COL26A1: variants seen among roughly 807,000 people sequenced by gnomAD.
COL26A1 encodes the protein collagen type XXVI alpha 1 chain, also known as collagen alpha-1(XXVI) chain.
COL26A1 carries 41 observed loss-of-function variants against 59.3 expected under a neutral mutation model. The ratio of observed to expected loss-of-function variants is 0.69; its 90% confidence interval spans 0.54 to 0.90. The LOEUF (loss-of-function observed/expected upper bound fraction) is 0.90, where lower values mean the gene tolerates loss of function less well. COL26A1 is among the 40% of genes least tolerant of loss of function. The pLI, the probability that COL26A1 is intolerant of heterozygous loss-of-function variation, is 0.00. For missense variants in COL26A1, 612 were observed against 602.3 expected (o/e 1.02, Z -0.17); for synonymous variants, 266 against 256.0 (o/e 1.04, Z -0.37).
Position 101,557,679 on chromosome 7 carries a change from G to A in COL26A1, c.*149G>A. On this transcript the variant is annotated 3_prime_UTR_variant, in exon 13 of 13. Coordinates refer to ENST00000313669, the MANE Select transcript of COL26A1 (RefSeq NM_001278563.3). ...ATGGGGGGCTTTGGGGACAGATAAT[G>A]TCTCCAGGGGCAGGGTCTGGAGGGG... 2 of 791,788 alleles carry A rather than the reference G, an allele frequency of 2.5e-6. No individual in the cohort carries two copies. Among genetic ancestry groups the A allele is most frequent in the Non-Finnish European group, 3.9e-6 (2 of 518,052 alleles). The allele number at this position is 791,788 out of a possible 1,614,324, so 49.0% of individuals were successfully genotyped here.
intron 3 of COL26A1, among the ~76,000 whole-genome samples, chr7:101,532,119 TA>T (rs2130637699): frequency 6.6e-6 from 1 of 152,152 alleles, no homozygotes; most frequent in African/African-American, 2.4e-5. Flanking sequence ...ATTTCATCAT[TA>T]AAGAGCTCCA....
intron 1 of COL26A1, among the ~76,000 whole-genome samples, chr7:101,403,553 CTT>C (rs1356571267): frequency 1.3e-5 from 2 of 151,680 alleles, no homozygotes; most frequent in Non-Finnish European, 2.9e-5. Context: ...AACAAAAAAA[CTT>C]TTTGTAGAGA....
chr7:101,385,069 C>T (rs959058784), intron 1 of COL26A1, among the ~76,000 whole-genome samples: 12 of 151,944 alleles, frequency 7.9e-5, no homozygotes, highest in African/African-American at 2.4e-4. Flanking sequence ...CGCTGGCAGC[C>T]GATTGAATGG....
At chr7:101,513,638 C>A (rs1480820738) in intron 3 of COL26A1, among the ~76,000 whole-genome samples, 2 of 152,176 alleles carry the variant, frequency 1.3e-5, no homozygotes, top group Non-Finnish European at 1.5e-5. Flanking sequence ...AGCCACCATG[C>A]CTGGCCAGTA....
rs71106526 is a variant in COL26A1 at position 101,417,375 on chromosome 7, CT to C, written c.159-2588del. Among the ~76,000 whole-genome samples, 469 of 139,078 alleles carry C rather than the reference CT, an allele frequency of 3.4e-3. 3 individuals carry two copies. The highest frequency in any genetic ancestry group is 4.9e-3 in the African/African-American group (186 of 37,716). 91.2% of individuals were successfully genotyped at this position (139,078 alleles called of 152,430 possible). A position where few individuals can be genotyped will look rare whatever the true frequency, so the allele number is the denominator to read the frequency against. On this transcript the variant is annotated intron_variant, in intron 1 of 12. Coordinates refer to ENST00000313669, the MANE Select transcript of COL26A1 (RefSeq NM_001278563.3). ...CCCTGTTTCTCCTGGAGGTCACAAG[CT>C]TTTTTTTTTTTTTCTTTTTTCCATC...
intron 3 of COL26A1, among the ~76,000 whole-genome samples, chr7:101,515,782 T>A (rs1360825112): frequency 6.6e-6 from 1 of 151,676 alleles, no homozygotes; most frequent in Non-Finnish European, 1.5e-5. Context: ...AGAGACAAGG[T>A]TTTGCTAGGT....
At position 101,363,088 on chromosome 7, in the gene COL26A1, T is replaced by A; in HGVS notation, c.56T>A (p.Leu19Gln). 1 of 1,574,704 alleles carries A rather than the reference T, an allele frequency of 6.4e-7. No homozygotes were observed. The highest frequency in any genetic ancestry group is 8.6e-7 in the Non-Finnish European group (1 of 1,168,966). Residue 19 changes from leucine (L) to glutamine (Q), a missense_variant, in exon 1 of 13, where the codon CTG (leucine) becomes CAG (glutamine). By Grantham distance (113) the Leu-to-Gln change is moderately radical. Transcript: ENST00000313669. ...WACCCLCGSA[L>Q]ATGFLYPFSA... ...TGTTGCTGCCTCTGCGGGTCGGCGC[T>A]GGCCACCGGCTTCCTCTATCCCTTC...
At chr7:101,365,863 A>T (rs1426346507) in intron 1 of COL26A1, among the ~76,000 whole-genome samples, 3 of 152,196 alleles carry the variant, frequency 2.0e-5, no homozygotes, top group African/African-American at 7.2e-5. Context: ...GCCTGCAAAA[A>T]AGCAAGAGGT....
At chr7:101,467,454 G>A (rs1049136360) in intron 3 of COL26A1, among the ~76,000 whole-genome samples, 4 of 151,400 alleles carry the variant, frequency 2.6e-5, no homozygotes, top group African/African-American at 9.7e-5. Flanking sequence ...CAGGTGTGAC[G>A]TTTGCATAGT....
intron 3 of COL26A1, among the ~76,000 whole-genome samples, chr7:101,510,452 T>C (rs58289139): frequency 0.26 from 39,195 of 152,164 alleles, 7,125 homozygotes; most frequent in African/African-American, 0.52. Flanking sequence ...CCTCATCCCA[T>C]GTCACACACA....
chr7:101,548,631 G>A (rs1271414036), intron 8 of COL26A1, among the ~76,000 whole-genome samples: 1 of 143,076 alleles, frequency 7.0e-6, no homozygotes, highest in Non-Finnish European at 1.5e-5. Context: ...GACAGCTTTA[G>A]CAGAGACGCC....
chr7:101,447,987 A>G (rs1329924189), intron 3 of COL26A1, among the ~76,000 whole-genome samples, 200 bp downstream of exon 3: 1 of 152,208 alleles, frequency 6.6e-6, no homozygotes, highest in Non-Finnish European at 1.5e-5. Flanking sequence ...GCCCGTGGGC[A>G]CCGAGGCAGG....
At position 101,430,481 on chromosome 7, in the gene COL26A1, G is replaced by A. The variant is rs145143232; in HGVS notation, c.281+10382G>A. Among the ~76,000 whole-genome samples, 642 of 151,624 alleles carry A rather than the reference G, an allele frequency of 4.2e-3. 2 individuals carry two copies. Among genetic ancestry groups the A allele is most frequent in the African/African-American group, 0.015 (620 of 41,346 alleles). On this transcript the variant is annotated intron_variant, in intron 2 of 12. Coordinates refer to ENST00000313669, the MANE Select transcript of COL26A1 (RefSeq NM_001278563.3). ...TTTTTGTATTTTTTTTTTTAGAGAC[G>A]GGTTTCACCATGTTGGTCAGGCTGG...
chr7:101,426,941 G>A (rs1158057467), intron 2 of COL26A1, among the ~76,000 whole-genome samples: 2 of 152,150 alleles, frequency 1.3e-5, no homozygotes, highest in African/African-American at 4.8e-5. Context: ...CGCCTTGTGT[G>A]GTACTCTGTT....
At chr7:101,447,994 C>T (rs902262156) in intron 3 of COL26A1, among the ~76,000 whole-genome samples, 5 of 152,244 alleles carry the variant, frequency 3.3e-5, no homozygotes, top group Non-Finnish European at 7.3e-5. Flanking sequence ...GGCACCGAGG[C>T]AGGTCCTAGT....
At chr7:101,425,048 G>A (rs1792611173) in intron 2 of COL26A1, among the ~76,000 whole-genome samples, 1 of 151,854 alleles carries the variant, frequency 6.6e-6, no homozygotes, top group African/African-American at 2.4e-5. Flanking sequence ...TCAGCCTCCT[G>A]AGTAGCTGGG....
chr7:101,374,532 G>A (rs1471585743), intron 1 of COL26A1, among the ~76,000 whole-genome samples: 2 of 152,126 alleles, frequency 1.3e-5, no homozygotes, highest in African/African-American at 2.4e-5. Context: ...GACCAGCAGC[G>A]GCAGTAGATT....
intron 10 of COL26A1, among the ~76,000 whole-genome samples, chr7:101,552,856 G>A (rs1212951508): frequency 2.6e-5 from 4 of 152,140 alleles, no homozygotes; most frequent in Admixed American, 1.3e-4. Context: ...GCAGTGAGCC[G>A]AGATCACAAC....
At chr7:101,397,476 CTTCCTTCTCCT>C (rs1304411896) in intron 1 of COL26A1, among the ~76,000 whole-genome samples, 1 of 105,750 alleles carries the variant, frequency 9.5e-6, no homozygotes, top group Non-Finnish European at 1.8e-5. Flanking sequence ...TCCTTCCTTC[CTTCCTTCTCCT>C]TTCCTTCTCC....
Sources: gnomAD v4.1 joint callset for allele counts (sites outside exome capture counted in the v4.1 genomes callset) on GRCh38, gnomAD v4.1.1 for gene constraint, MANE v1.5 for transcripts, NCBI Gene and HGNC (gene_info 2026-07-23, HGNC 2026-07-21) for gene names.